Variants in LGR6 observed in about 807,000 individuals in gnomAD.
The protein encoded by LGR6 is leucine-rich repeat-containing G protein-coupled receptor 6.
In LGR6, 45 loss-of-function variants were observed where a neutral mutation model predicts 69.4. The observed-to-expected ratio is 0.65, with a 90% CI of 0.51 to 0.83. The LOEUF is 0.83. LGR6 is among the 40% of genes least tolerant of loss of function. LGR6 has a pLI of 0.00. For missense variants in LGR6, 1,108 were observed against 1,246.7 expected (o/e 0.89, Z 1.68); for synonymous variants, 538 against 555.0 (o/e 0.97, Z 0.43).
intron 1 of LGR6, chr1:202,214,250 G>A (rs775248579): frequency 6.5e-7 from 1 of 1,533,002 alleles, no homozygotes; most frequent in Admixed American, 2.2e-5. Flanking sequence ...AGGCTTGGGG[G>A]AAGGGTGCCG....
At chr1:202,306,007 C>T (rs1653148194) in intron 12 of LGR6, among the ~76,000 whole-genome samples, 1 of 152,170 alleles carries the variant, frequency 6.6e-6, no homozygotes, top group African/African-American at 2.4e-5. Context: ...CCTTATAAAT[C>T]AGTAGCAACA....
At chr1:202,237,423 A>T (rs947787618) in intron 4 of LGR6, among the ~76,000 whole-genome samples, 1 of 152,276 alleles carries the variant, frequency 6.6e-6, no homozygotes, top group Non-Finnish European at 1.5e-5. Context: ...GGAGAATTTG[A>T]CATTTCATCC....
In LGR6 at chr1:202,268,719, C is replaced by G. The variant is rs1324054672; in HGVS notation, c.429-7587C>G. On this transcript the variant is annotated intron_variant, in intron 4 of 17. Coordinates refer to ENST00000367278, the MANE Select transcript of LGR6 (RefSeq NM_001017403.2). This position sits in a 1 kb window ranked among gnomAD's most constrained non-coding sequence, Gnocchi z 4.4. ...TCCTCAAGGTATCTCACCTCCCAGC[C>G]TCTTTCTTCCTCTCAAACGCAGAGT... 6.6e-6 allele frequency among the ~76,000 whole-genome samples: 1 copy of G among 152,332 alleles called. No individual in the cohort carries two copies. The highest frequency in any genetic ancestry group is 2.4e-5 in the African/African-American group (1 of 41,568).
At chr1:202,275,970 G>A (rs1412036053) in intron 4 of LGR6, among the ~76,000 whole-genome samples, 2 of 152,182 alleles carry the variant, frequency 1.3e-5, no homozygotes, top group Non-Finnish European at 2.9e-5. Context: ...GTCATTCATA[G>A]AAACATATGG....
At chr1:202,284,854 A>G (rs1571963684) in intron 6 of LGR6, among the ~76,000 whole-genome samples, 1 of 152,200 alleles carries the variant, frequency 6.6e-6, no homozygotes, top group African/African-American at 2.4e-5. Context: ...CCCCGGGGAC[A>G]ATAGTGTCTC....
chr1:202,296,897 T>C (rs1667199095), intron 6 of LGR6, among the ~76,000 whole-genome samples: 1 of 152,214 alleles, frequency 6.6e-6, no homozygotes, highest in South Asian at 2.1e-4. Flanking sequence ...TCCCACATTC[T>C]TGCCAACTTG....
At chr1:202,269,712 T>C (rs2148135616) in intron 4 of LGR6, among the ~76,000 whole-genome samples, 1 of 152,284 alleles carries the variant, frequency 6.6e-6, no homozygotes. Context: ...TGCCATGTCT[T>C]CTCATGTAAT....
At chr1:202,200,895 G>A (rs1269867358) in intron 1 of LGR6, among the ~76,000 whole-genome samples, 3 of 152,210 alleles carry the variant, frequency 2.0e-5, no homozygotes, top group African/African-American at 4.8e-5. Flanking sequence ...GCCAGAGCAG[G>A]CCATGGGCAG....
intron 1 of LGR6, among the ~76,000 whole-genome samples, chr1:202,224,266 C>T (rs61821579): frequency 0.05 from 7,549 of 152,184 alleles, 257 homozygotes; most frequent in Admixed American, 0.11. Flanking sequence ...AGTGGACCTG[C>T]AGTAAATGCC....
intron 11 of LGR6, 55 bp downstream of exon 11, chr1:202,304,685 C>T: frequency 7.4e-7 from 1 of 1,350,578 alleles, no homozygotes; most frequent in Non-Finnish European, 1.1e-6. Context: ...CCCCCATGTC[C>T]CACAAAAGGC....
rs1206716064 is a variant in LGR6 at position 202,268,594 on chromosome 1, A to G, written c.429-7712A>G. Among the ~76,000 whole-genome samples, 1 of 151,918 alleles carries G rather than the reference A, an allele frequency of 6.6e-6. No individual in the cohort carries two copies. The highest frequency in any genetic ancestry group is 1.5e-5 in the Non-Finnish European group (1 of 67,998). Reference sequence around the variant, plus strand: ...TCCTGTGTTCAACTGAAAGTCAGCTATGTAGCCAAGTAGGGGTGGGGGGTT... The same window carrying G: ...TCCTGTGTTCAACTGAAAGTCAGCTGTGTAGCCAAGTAGGGGTGGGGGGTT... On this transcript the variant is annotated intron_variant, in intron 4 of 17. Transcript: ENST00000367278. The surrounding 1 kb of genome is among the most constrained non-coding windows in gnomAD (Gnocchi z 4.4).
chr1:202,207,610 T>C lies in LGR6; in HGVS notation c.212+13409T>C, dbSNP rs75374313. On this transcript the variant is annotated intron_variant, in intron 1 of 17. Coordinates refer to ENST00000367278, the MANE Select transcript of LGR6 (RefSeq NM_001017403.2). The stretch of plus-strand genomic sequence containing the variant: ...TGTTGGCCTCCTTCCCAGTTTCTTA[T>C]AAATCTAGCAGAGTGGGTAAGTGCA... Among the ~76,000 whole-genome samples, 907 of 152,264 alleles carry C rather than the reference T, an allele frequency of 6.0e-3. 4 individuals carry two copies. Among genetic ancestry groups the C allele is most frequent in the Non-Finnish European group, 9.3e-3 (632 of 68,018 alleles).
intron 1 of LGR6, among the ~76,000 whole-genome samples, chr1:202,201,661 C>T (rs61823734): frequency 0.092 from 14,052 of 152,204 alleles, 908 homozygotes; most frequent in Admixed American, 0.19. Flanking sequence ...ACTCTGGCTG[C>T]GTCAAAATCT....
chr1:202,280,321 T>C (rs1391213532), intron 5 of LGR6, among the ~76,000 whole-genome samples: 1 of 152,152 alleles, frequency 6.6e-6, no homozygotes, highest in Non-Finnish European at 1.5e-5. Context: ...TGTCTGTAGC[T>C]CTCTCCAGTT....
At chr1:202,303,519 G>A (rs1345819158) in intron 10 of LGR6, among the ~76,000 whole-genome samples, 172 bp downstream of exon 10, 1 of 152,242 alleles carries the variant, frequency 6.6e-6, no homozygotes. Context: ...CCACAGGCAA[G>A]GTCAGCAGGT....
At chr1:202,267,093 G>C (rs1439898027) in intron 4 of LGR6, among the ~76,000 whole-genome samples, 1 of 152,074 alleles carries the variant, frequency 6.6e-6, no homozygotes, top group Non-Finnish European at 1.5e-5. Flanking sequence ...TTTAAAATGC[G>C]GTTCCTCAGT....
intron 4 of LGR6, among the ~76,000 whole-genome samples, chr1:202,263,886 A>T (rs1664431385): frequency 6.6e-6 from 1 of 152,216 alleles, no homozygotes; most frequent in Admixed American, 6.5e-5. Flanking sequence ...TGCTGGTAAG[A>T]CAGTCATTTC....
At chr1:202,224,140 T>G (rs1012181074) in intron 1 of LGR6, among the ~76,000 whole-genome samples, 1 of 151,986 alleles carries the variant, frequency 6.6e-6, no homozygotes, top group Non-Finnish European at 1.5e-5. Context: ...AGCTCAGTGC[T>G]CCTTTCTCTC....
chr1:202,307,287 C>G (rs772343842), intron 13 of LGR6, 43 bp from the exon 14 acceptor site: 3 of 1,572,664 alleles, frequency 1.9e-6, no homozygotes, highest in Non-Finnish European at 2.6e-6. Context: ...GTGAGTCCTC[C>G]ACATGTTACT....
Sources: allele counts gnomAD v4.1 joint callset (sites outside exome capture counted in the v4.1 genomes callset), GRCh38; gene constraint gnomAD v4.1.1; non-coding constraint Gnocchi (gnomAD v3.1); transcripts MANE v1.5; gene names NCBI Gene and HGNC (gene_info 2026-07-23, HGNC 2026-07-21).